SPX: variants seen among roughly 807,000 people sequenced by gnomAD.
SPX encodes the protein spexin.
A neutral mutation model predicts 19.2 loss-of-function variants in SPX; 22 were observed. That is an observed-to-expected ratio of 1.15 (90% CI 0.82 to 1.64). The LOEUF is 1.64. SPX is among the 40% of genes most tolerant of loss of function. The probability of loss-of-function intolerance (pLI) is 0.00; values close to 1 mark genes in which losing one functional copy is unlikely to be tolerated. For synonymous variants in SPX, 50 were observed against 53.3 expected (o/e 0.94, Z 0.27); for missense variants, 143 against 137.7 (o/e 1.04, Z -0.19).
chr12:21,527,826 CT>C, intron 4 of SPX, 37 bp downstream of exon 4: 1 of 1,554,360 alleles, frequency 6.4e-7, no homozygotes, highest in Non-Finnish European at 8.7e-7. Flanking sequence ...TAGTCCTGCG[CT>C]TTTGGAATAG....
At chr12:21,528,486 C>T (rs1943835705) in intron 4 of SPX, among the ~76,000 whole-genome samples, 1 of 152,030 alleles carries the variant, frequency 6.6e-6, no homozygotes, top group Non-Finnish European at 1.5e-5. Flanking sequence ...GGAAAAATAC[C>T]AAACACTGTT....
intron 4 of SPX, 25 bp downstream of exon 4, chr12:21,527,814 G>T (rs1461306829): frequency 1.9e-6 from 3 of 1,562,562 alleles, no homozygotes; most frequent in Admixed American, 1.9e-5. Flanking sequence ...GTGCAAGGGC[G>T]CTAGTCCTGC....
rs1943828181 is a variant in SPX at position 21,527,752 on chromosome 12, G to A, written c.171G>A (p.Gln57=). The change falls in exon 4 of 6, where the codon CAG becomes CAA. Residue 57 remains glutamine, a synonymous_variant. Coordinates refer to ENST00000256969, the MANE Select transcript of SPX (RefSeq NM_030572.4). ...AGGGTCGCCGCTTCATCTCCGACCAGAGCCGGAGAAAGGACCTCTCCGACC... is the reference window on the plus strand; with the variant it reads ...AGGGTCGCCGCTTCATCTCCGACCAAAGCCGGAGAAAGGACCTCTCCGACC... ...GAQGRRFISD[Q]SRRKDLSDRP... is the part of the protein sequence containing the mutation. 4 of 1,571,442 alleles carry A rather than the reference G, an allele frequency of 2.5e-6. No homozygotes were observed. In the South Asian group the frequency reaches 3.5e-5, roughly 14 times the overall value.
intron 4 of SPX, 39 bp downstream of exon 4, chr12:21,527,828 T>G: frequency 1.9e-6 from 3 of 1,552,428 alleles, no homozygotes; most frequent in Non-Finnish European, 2.6e-6. Flanking sequence ...GTCCTGCGCT[T>G]TTGGAATAGG....
At position 21,527,766 on chromosome 12, in the gene SPX, A is replaced by C. The variant is rs778660034; in HGVS notation, c.185A>C (p.Asp62Ala). 6.4e-7 allele frequency: 1 copy of C among 1,571,394 alleles called. No individual in the cohort carries two copies. The highest frequency in any genetic ancestry group is 1.2e-5 in the South Asian group (1 of 85,472). Residue 62 changes from aspartate (D) to alanine (A), a missense_variant, in exon 4 of 6, where the codon GAC becomes GCC. Physicochemically the swap from Asp to Ala is moderately radical, Grantham distance 126 (BLOSUM62 -2). Coordinates refer to ENST00000256969, the MANE Select transcript of SPX (RefSeq NM_030572.4). ...ATCTCCGACCAGAGCCGGAGAAAGG[A>C]CCTCTCCGACCGGCCACTGCCGGGT... ...RFISDQSRRKDLSDRPLPERR... is the reference protein window; with the variant it reads ...RFISDQSRRKALSDRPLPERR...
In SPX at chr12:21,531,231, C is replaced by A; in HGVS notation, c.*36C>A. The A allele has an allele frequency of 6.9e-7, 1 of 1,455,456 alleles. No individual in the cohort carries two copies. The highest frequency in any genetic ancestry group is 9.4e-7 in the Non-Finnish European group (1 of 1,061,624). The allele number at this position is 1,455,456 out of a possible 1,614,324, so 90.2% of individuals were successfully genotyped here. On this transcript the variant is annotated 3_prime_UTR_variant, in exon 6 of 6. Coordinates refer to ENST00000256969, the MANE Select transcript of SPX (RefSeq NM_030572.4). ...GATTATGTTTAATTATGGTTCTATT[C>A]TCTTTGAAAACATGAACCATGTGAA...
At chr12:21,527,999 C>T in intron 4 of SPX, 1 of 541,276 alleles carries the variant, frequency 1.8e-6, no homozygotes, top group East Asian at 3.2e-5. Context: ...GGAGCTCGCG[C>T]GTCCAGCCCC....
rs1350638322 is a variant in SPX, at chr12:21,531,153, T to C, written c.309T>C (p.Phe103=). The C allele has an allele frequency of 1.3e-6, 2 of 1,589,652 alleles. No individual in the cohort carries two copies. The highest frequency in any genetic ancestry group is 1.7e-6 in the Non-Finnish European group (2 of 1,166,340). ...TTCTTACAGATGAAGAAAAAAACTT[T>C]GATCAAACCAGATTCCTGGAAGACA... ...QKSPEDEEKN[F]DQTRFLEDSL... Residue 103 remains phenylalanine, a synonymous_variant, in exon 6 of 6, where the codon TTT becomes TTC. Transcript: ENST00000256969.
intron 4 of SPX, 57 bp downstream of exon 4, chr12:21,527,846 G>A: frequency 5.3e-6 from 8 of 1,522,792 alleles, no homozygotes; most frequent in Non-Finnish European, 6.2e-6. Context: ...AGGATGGGGC[G>A]GGCAGGGCTT....
At chr12:21,528,010 GC>G in intron 4 of SPX, 1 of 548,002 alleles carries the variant, frequency 1.8e-6, no homozygotes, top group South Asian at 2.2e-5. Context: ...GTCCAGCCCC[GC>G]GCCAATGGTG....
intron 5 of SPX, among the ~76,000 whole-genome samples, 180 bp from the exon 6 acceptor site, chr12:21,530,957 A>G (rs1943859513): frequency 6.6e-6 from 1 of 152,208 alleles, no homozygotes; most frequent in Non-Finnish European, 1.5e-5. Context: ...AGCTGAGAAA[A>G]AAAGATTTTA....
chr12:21,530,990 A>G (rs1254645211), intron 5 of SPX, 147 bp from the exon 6 acceptor site: 1 of 586,022 alleles, frequency 1.7e-6, no homozygotes, highest in Non-Finnish European at 3.0e-6. Flanking sequence ...CAAAGCCCAT[A>G]TTGTTTAAAT....
At chr12:21,529,852 C>T (rs1943847068) in intron 5 of SPX, among the ~76,000 whole-genome samples, 1 of 152,100 alleles carries the variant, frequency 6.6e-6, no homozygotes, top group Non-Finnish European at 1.5e-5. Flanking sequence ...TTTTAAAACC[C>T]AAGACATGGA....
intron 4 of SPX, among the ~76,000 whole-genome samples, chr12:21,528,635 A>G (rs1355180985): frequency 1.8e-4 from 27 of 152,228 alleles, no homozygotes; most frequent in Admixed American, 1.8e-3. Context: ...GTGCTGAATC[A>G]GAACAATTTG....
chr12:21,527,672 A>T, intron 3 of SPX, 55 bp from the exon 4 acceptor site: 1 of 1,526,026 alleles, frequency 6.6e-7, no homozygotes, highest in Non-Finnish European at 8.9e-7. Flanking sequence ...CTGAGGTTTA[A>T]GCCCGGGTTG....
In SPX at chr12:21,527,871, C is replaced by T. The variant is rs571937074; in HGVS notation, c.208+82C>T. On this transcript the variant is annotated intron_variant, in intron 4 of 5. Coordinates refer to ENST00000256969, the MANE Select transcript of SPX (RefSeq NM_030572.4). ...GGGCAGGGCTTGCTCCGCGCTGGTGCCGAAAGAAAGCGTCTCCTCACCGGA... is the reference window on the plus strand; with the variant it reads ...GGGCAGGGCTTGCTCCGCGCTGGTGTCGAAAGAAAGCGTCTCCTCACCGGA... 1.4e-5 allele frequency: 20 copies of T among 1,452,438 alleles called. No homozygotes were observed. In the African/African-American group the frequency reaches 2.8e-4, roughly 21 times the overall value. The allele number at this position is 1,452,438 out of a possible 1,614,324, so 90.0% of individuals were successfully genotyped here. A position where few individuals can be genotyped will look rare whatever the true frequency, so the allele number is the denominator to read the frequency against.
chr12:21,526,927 G>A lies in SPX; in HGVS notation c.48G>A (p.Leu16=). Residue 16 remains leucine (L), a synonymous_variant, in exon 2 of 6, where the codon CTG becomes CTA. Coordinates refer to ENST00000256969, the MANE Select transcript of SPX (RefSeq NM_030572.4). ...SLAATTLALF[L]VFVFLGNSSC... Reference sequence around the variant, plus strand: ...CAGCAACAACCTTGGCTCTTTTCCTGGTGTTTGTTTTCCTGGGAAACTCCA... The same window carrying A: ...CAGCAACAACCTTGGCTCTTTTCCTAGTGTTTGTTTTCCTGGGAAACTCCA... The A allele has an allele frequency of 6.2e-7, 1 of 1,614,168 alleles. No individual in the cohort carries two copies. Among genetic ancestry groups the A allele is most frequent in the Non-Finnish European group, 8.5e-7 (1 of 1,180,016 alleles).
At position 21,528,987 on chromosome 12, in the gene SPX, T is replaced by G; in HGVS notation, c.209-14T>G. The G allele has an allele frequency of 6.2e-7, 1 of 1,606,598 alleles. No individual in the cohort carries two copies. The highest frequency in any genetic ancestry group is 8.5e-7 in the Non-Finnish European group (1 of 1,173,154). On this transcript the variant is annotated splice_polypyrimidine_tract_variant and intron_variant, in intron 4 of 5. Transcript: ENST00000256969. The stretch of plus-strand genomic sequence containing the variant: ...AAATGCTAAGAGAATCTGTATACAT[T>G]TTTGTTTCTGCAGAAAGACGAAGCC...
chr12:21,527,797 A>G lies in SPX; in HGVS notation c.208+8A>G. 1 of 1,570,196 alleles carries G rather than the reference A, an allele frequency of 6.4e-7. No homozygotes were observed. The highest frequency in any genetic ancestry group is 8.6e-7 in the Non-Finnish European group (1 of 1,157,322). ...CCGACCGGCCACTGCCGGGTGAGTGACCAAGGGTGCAAGGGCGCTAGTCCT... is the reference window on the plus strand; with the variant it reads ...CCGACCGGCCACTGCCGGGTGAGTGGCCAAGGGTGCAAGGGCGCTAGTCCT... On this transcript the variant is annotated splice_region_variant and intron_variant, in intron 4 of 5. Coordinates refer to ENST00000256969, the MANE Select transcript of SPX (RefSeq NM_030572.4).
Sources: allele counts gnomAD v4.1 joint callset (sites outside exome capture counted in the v4.1 genomes callset), GRCh38; gene constraint gnomAD v4.1.1; transcripts MANE v1.5; gene names NCBI Gene and HGNC (gene_info 2026-07-23, HGNC 2026-07-21).